MOXD1: variants seen among roughly 807,000 people sequenced by gnomAD.
MOXD1 encodes the protein monooxygenase DBH like 1.
In MOXD1, 62 loss-of-function variants were observed where a neutral mutation model predicts 66.6. The ratio of observed to expected loss-of-function variants is 0.93; its 90% CI spans 0.76 to 1.15. The LOEUF (loss-of-function observed/expected upper bound fraction) is 1.15, where lower values mean the gene tolerates loss of function less well. Ranked by LOEUF, MOXD1 falls within the 50% of genes most tolerant of loss-of-function variation. The pLI is 0.00. For synonymous variants in MOXD1, 303 were observed against 281.9 expected (o/e 1.07, Z -0.75); for missense variants, 847 against 754.6 (o/e 1.12, Z -1.44).
intron 1 of MOXD1, among the ~76,000 whole-genome samples, chr6:132,386,185 G>A (rs1385290457): frequency 6.9e-6 from 1 of 144,240 alleles, no homozygotes; most frequent in East Asian, 2.6e-4. Flanking sequence ...GGCGGATCAC[G>A]AGGTCAGGAA....
rs58101102 is a variant in MOXD1 at position 132,385,621 on chromosome 6, T to C, written c.265-10844A>G. ...GCCTCAGCCTCCCAAGTAACTGGGATTACAGGTGCCTGCCACCATGCCTGG... is the reference window on the plus strand; with the variant it reads ...GCCTCAGCCTCCCAAGTAACTGGGACTACAGGTGCCTGCCACCATGCCTGG... On this transcript the variant is annotated intron_variant, in intron 1 of 11. Coordinates refer to ENST00000367963, the MANE Select transcript of MOXD1 (RefSeq NM_015529.4). 0.038 allele frequency among the ~76,000 whole-genome samples: 5,768 copies of C among 151,618 alleles called. 578 individuals carry two copies. The East Asian group carries it at 0.41, about 11-fold the overall frequency.
intron 4 of MOXD1, among the ~76,000 whole-genome samples, chr6:132,358,573 G>T (rs1775952372): frequency 6.6e-6 from 1 of 152,114 alleles, no homozygotes. Context: ...GAGAAGATAT[G>T]AATTGTTATT....
At chr6:132,320,793 C>T in intron 8 of MOXD1, 105 bp from the exon 9 acceptor site, 2 of 912,444 alleles carry the variant, frequency 2.2e-6, no homozygotes, top group East Asian at 2.6e-5. Context: ...AATGGATGCG[C>T]CAAGTAATTT....
chr6:132,392,713 CA>C (rs1299189433), intron 1 of MOXD1, among the ~76,000 whole-genome samples: 1 of 152,212 alleles, frequency 6.6e-6, no homozygotes, highest in African/African-American at 2.4e-5. Context: ...AATGTTTCCA[CA>C]AGCATGAGCT....
At chr6:132,310,861 A>C (rs759686989) in intron 10 of MOXD1, among the ~76,000 whole-genome samples, 1 of 152,034 alleles carries the variant, frequency 6.6e-6, no homozygotes, top group Non-Finnish European at 1.5e-5. Context: ...TGGGGGGTGA[A>C]GGGAGGGAAT....
At chr6:132,324,465 T>C in intron 6 of MOXD1, among the ~76,000 whole-genome samples, 1 of 152,312 alleles carries the variant, frequency 6.6e-6, no homozygotes, top group South Asian at 2.1e-4. Flanking sequence ...TAATAAAACT[T>C]TTATTTTATA....
rs771060030 is a variant in MOXD1, at chr6:132,322,795, T to A, written c.1189A>T (p.Ile397Phe). ...CCTTTTCGAAAATGACGCAGCCTGA[T>A]GCCTCTGCCAGCCAGGTGAGCATGG... ...LLHAHLAGRG[I>F]RLRHFRKGKE... The change falls in exon 8 of 12, where the codon ATC becomes TTC. Residue 397 changes from isoleucine (I) to phenylalanine (F), a missense_variant. By Grantham distance (21) the Ile-to-Phe change is conservative. Transcript: ENST00000367963. 20 of 1,614,148 alleles carry A rather than the reference T, an allele frequency of 1.2e-5. No individual in the cohort carries two copies. Among genetic ancestry groups the A allele is most frequent in the Non-Finnish European group, 1.7e-5 (20 of 1,179,996 alleles).
In MOXD1 at chr6:132,296,254, G is replaced by A. The variant is rs1471741390; in HGVS notation, c.*899C>T. ...TAGAACCATGACTTAAACTGAGCCA[G>A]TATGTGGTACATGTGTCACCCAAAG... On this transcript the variant is annotated 3_prime_UTR_variant, in exon 12 of 12. Transcript: ENST00000367963. 1.3e-5 allele frequency: 2 copies of A among 152,148 alleles called. No homozygotes were observed. The highest frequency in any genetic ancestry group is 2.9e-5 in the Non-Finnish European group (2 of 68,026). The allele number at this position is 152,148 out of a possible 1,614,324, so 9.4% of individuals were successfully genotyped here. A position where few individuals can be genotyped will look rare whatever the true frequency, so the allele number is the denominator to read the frequency against.
At chr6:132,313,133 T>C (rs1441058909) in intron 10 of MOXD1, among the ~76,000 whole-genome samples, 3 of 152,108 alleles carry the variant, frequency 2.0e-5, no homozygotes, top group African/African-American at 7.2e-5. Context: ...TTGGCCTATA[T>C]GTGCATGTTG....
intron 1 of MOXD1, 115 bp from the exon 2 acceptor site, chr6:132,374,892 A>C: frequency 9.3e-7 from 1 of 1,070,308 alleles, no homozygotes; most frequent in Non-Finnish European, 1.4e-6. Context: ...AATCCCGGGA[A>C]TTTCCAAGGG....
chr6:132,322,894 C>T, intron 7 of MOXD1, 24 bp from the exon 8 acceptor site: 1 of 1,584,144 alleles, frequency 6.3e-7, no homozygotes, highest in African/African-American at 1.4e-5. Context: ...CGAGGAAGAC[C>T]CGATTAGCCC....
chr6:132,334,987 A>G (rs1333865974), intron 4 of MOXD1, among the ~76,000 whole-genome samples: 3 of 152,176 alleles, frequency 2.0e-5, no homozygotes, highest in Non-Finnish European at 4.4e-5. Flanking sequence ...AAAAAATTCT[A>G]TGTGTTGCAG....
At position 132,296,257 on chromosome 6, in the gene MOXD1, T is replaced by G. The variant is rs764885956; in HGVS notation, c.*896A>C. 48 of 152,164 alleles carry G rather than the reference T, an allele frequency of 3.2e-4. 1 individual carries two copies. The highest frequency in any genetic ancestry group is 1.8e-3 in the Admixed American group (28 of 15,260). 9.4% of individuals were successfully genotyped at this position (152,164 alleles called of 1,614,324 possible). The stretch of plus-strand genomic sequence containing the variant: ...AACCATGACTTAAACTGAGCCAGTA[T>G]GTGGTACATGTGTCACCCAAAGTCA... On this transcript the variant is annotated 3_prime_UTR_variant, in exon 12 of 12. Coordinates refer to ENST00000367963, the MANE Select transcript of MOXD1 (RefSeq NM_015529.4).
intron 1 of MOXD1, chr6:132,391,613 TC>T (rs1194962773): frequency 6.6e-6 from 1 of 152,162 alleles, no homozygotes; most frequent in African/African-American, 2.4e-5. Flanking sequence ...ATCAAATACT[TC>T]CAGAAACATG....
chr6:132,378,539 G>A (rs576793629), intron 1 of MOXD1, among the ~76,000 whole-genome samples: 98 of 151,964 alleles, frequency 6.4e-4, no homozygotes, highest in Non-Finnish European at 1.2e-3. Context: ...AAGCAAAGAT[G>A]GAATAAATAG....
chr6:132,374,247 C>A (rs1776327272), intron 2 of MOXD1, among the ~76,000 whole-genome samples: 1 of 152,140 alleles, frequency 6.6e-6, no homozygotes, highest in Non-Finnish European at 1.5e-5. Context: ...CATTACAAAT[C>A]AGATGAATTA....
chr6:132,312,822 G>A (rs1365940680), intron 10 of MOXD1, among the ~76,000 whole-genome samples: 1 of 151,238 alleles, frequency 6.6e-6, no homozygotes, highest in Non-Finnish European at 1.5e-5. Flanking sequence ...AAAAAAAATA[G>A]GCCATAGAAT....
chr6:132,374,485 C>A, intron 2 of MOXD1, 146 bp downstream of exon 2: 2 of 841,022 alleles, frequency 2.4e-6, no homozygotes, highest in Non-Finnish European at 3.1e-6. Context: ...AAAGAAAAAA[C>A]TAAAAAAAAA....
At chr6:132,344,010 G>A (rs1039073218) in intron 4 of MOXD1, among the ~76,000 whole-genome samples, 1 of 151,950 alleles carries the variant, frequency 6.6e-6, no homozygotes, top group East Asian at 1.9e-4. Flanking sequence ...TAAGAGAAAG[G>A]AATGAAAATA....
Sources: gnomAD v4.1 joint callset for allele counts (sites outside exome capture counted in the v4.1 genomes callset) on GRCh38, gnomAD v4.1.1 for gene constraint, MANE v1.5 for transcripts, NCBI Gene and HGNC (gene_info 2026-07-23, HGNC 2026-07-21) for gene names.